The following UGP2 variants were observed in gnomAD, a reference collection of about 807,000 sequenced individuals.
UGP2 encodes the protein UDP-glucose pyrophosphorylase 2.
Under a neutral mutation model 49.0 loss-of-function variants are expected in UGP2, and 40 were observed. The ratio of observed to expected loss-of-function variants is 0.82; its 90% confidence interval spans 0.63 to 1.06. The LOEUF is 1.06. Ranked by LOEUF, UGP2 falls within the 50% of genes least tolerant of loss-of-function variation. The pLI, the probability that UGP2 is intolerant of heterozygous loss-of-function variation, is 0.00. For missense variants in UGP2, 460 were observed against 603.5 expected, an observed-to-expected ratio of 0.76 and a Z score of 2.49; for synonymous variants, 225 against 213.0, an observed-to-expected ratio of 1.06 and a Z score of -0.49.
intron 3 of UGP2, among the ~76,000 whole-genome samples, chr2:63,859,991 T>C (rs1669722686): frequency 6.6e-6 from 1 of 152,238 alleles, no homozygotes; most frequent in Non-Finnish European, 1.5e-5. Context: ...TTTGTTCACC[T>C]TGGTTCTTTT....
upstream of UGP2, chr2:63,841,189 GCCATAAACGCCCCCA>G (rs1341248862): frequency 6.6e-6 from 1 of 152,114 alleles, no homozygotes; most frequent in African/African-American, 2.4e-5. Context: ...TTCCCGGGGC[GCCATAAACGCCCCCA>G]ATTTCCCAGC....
chr2:63,855,338 A>G, intron 1 of UGP2: 1 of 405,826 alleles, frequency 2.5e-6, no homozygotes, highest in Non-Finnish European at 4.8e-6. Flanking sequence ...AACTTTACAA[A>G]TACATTTTTA....
intron 3 of UGP2, among the ~76,000 whole-genome samples, chr2:63,864,399 T>C (rs6755646): frequency 0.83 from 126,244 of 152,204 alleles, 52,486 homozygotes; most frequent in East Asian, 0.92. Flanking sequence ...ATGTGGCATA[T>C]TTTATGTGCT....
intron 2 of UGP2, 72 bp from the exon 3 acceptor site, chr2:63,857,757 T>G: frequency 7.1e-7 from 1 of 1,404,804 alleles, no homozygotes; most frequent in Non-Finnish European, 9.9e-7. Context: ...ATGTGTAACT[T>G]GTATCTGTCT....
intron 1 of UGP2, chr2:63,854,924 TG>T (rs1489046901): frequency 6.6e-6 from 1 of 152,382 alleles, no homozygotes; most frequent in Non-Finnish European, 1.5e-5. Flanking sequence ...AGAGAGCACA[TG>T]CAATATTAAA....
intron 3 of UGP2, chr2:63,862,951 C>T: frequency 2.3e-6 from 1 of 439,396 alleles, no homozygotes; most frequent in East Asian, 7.1e-5. Context: ...AACTCCATTT[C>T]TGTTAGCATA....
intron 1 of UGP2, among the ~76,000 whole-genome samples, chr2:63,851,596 T>C (rs1669046331): frequency 6.6e-6 from 1 of 152,224 alleles, no homozygotes; most frequent in Admixed American, 6.5e-5. Context: ...CTGGAACTCA[T>C]ACTGGGCCAT....
chr2:63,861,373 T>A (rs1402812060), intron 3 of UGP2, among the ~76,000 whole-genome samples: 1 of 152,046 alleles, frequency 6.6e-6, no homozygotes, highest in East Asian at 1.9e-4. Context: ...GTATTGGAGC[T>A]GACGAGTTCT....
chr2:63,861,302 GC>G (rs1669824709), intron 3 of UGP2, among the ~76,000 whole-genome samples: 1 of 152,078 alleles, frequency 6.6e-6, no homozygotes, highest in East Asian at 1.9e-4. Context: ...TACACGTTGG[GC>G]ATGGACAGGG....
At chr2:63,875,119 C>G (rs1302291972) in intron 3 of UGP2, among the ~76,000 whole-genome samples, 2 of 152,154 alleles carry the variant, frequency 1.3e-5, no homozygotes, top group Non-Finnish European at 2.9e-5. Flanking sequence ...GTGAAATAGA[C>G]AATACATGAA....
chr2:63,881,837 G>A (rs955189906), intron 3 of UGP2, among the ~76,000 whole-genome samples: 3 of 152,148 alleles, frequency 2.0e-5, no homozygotes, highest in Non-Finnish European at 2.9e-5. Flanking sequence ...TAATTTTCCA[G>A]TATTGGCTTT....
intron 1 of UGP2, among the ~76,000 whole-genome samples, chr2:63,855,208 A>G (rs925381658): frequency 2.6e-5 from 4 of 152,204 alleles, no homozygotes; most frequent in African/African-American, 9.6e-5. Flanking sequence ...AATATAAGTG[A>G]AAGAATTTAT....
intron 3 of UGP2, among the ~76,000 whole-genome samples, chr2:63,861,620 T>C (rs1281446972): frequency 1.4e-5 from 2 of 147,398 alleles, no homozygotes; most frequent in African/African-American, 2.5e-5. Flanking sequence ...CCCAGGAGTT[T>C]GAGGCTACAG....
intron 9 of UGP2, 147 bp from the exon 10 acceptor site, chr2:63,890,973 G>GTTAT (rs1180336294): frequency 5.5e-6 from 3 of 544,800 alleles, no homozygotes; most frequent in Non-Finnish European, 9.5e-6. Flanking sequence ...TTCCTTAACT[G>GTTAT]TTATTTGTTT....
intron 3 of UGP2, among the ~76,000 whole-genome samples, chr2:63,863,407 A>G (rs1055863958): frequency 4.8e-4 from 73 of 151,974 alleles, no homozygotes; most frequent in African/African-American, 1.7e-3. Context: ...CTAGTTTTCC[A>G]GGTTTAAAGT....
In UGP2 at chr2:63,887,611, GC is replaced by G; in HGVS notation, c.1284del (p.Leu429TrpfsTer4). 1 of 1,614,118 alleles carries G rather than the reference GC, an allele frequency of 6.2e-7. No individual in the cohort carries two copies. The highest frequency in any genetic ancestry group is 8.5e-7 in the Non-Finnish European group (1 of 1,180,002). On this transcript the variant is annotated frameshift_variant, in exon 8 of 10. Transcript: ENST00000337130. LOFTEE classifies it high-confidence loss of function. ...GTGAAAAGCGGGAATTTCCTACAGT[GC>G]CCTTGGTTAAATTAGGCAGTTCTTT... ...MSEKREFPTVPLVKLGSSFTK... is the reference protein window; with the variant it reads ...MSEKREFPTVXLVKLGSSFTK...
intron 3 of UGP2, among the ~76,000 whole-genome samples, chr2:63,876,368 A>C (rs1453266763): frequency 1.3e-5 from 2 of 152,030 alleles, no homozygotes; most frequent in Admixed American, 1.3e-4. Flanking sequence ...GTGTCTTTTG[A>C]GGGGTGGTGG....
chr2:63,842,790 A>G (rs1671656850), intron 1 of UGP2, among the ~76,000 whole-genome samples: 1 of 152,186 alleles, frequency 6.6e-6, no homozygotes, highest in Non-Finnish European at 1.5e-5. Flanking sequence ...TTGAACTATG[A>G]AAAGATGATT....
At chr2:63,887,224 C>G (rs1181075269) in intron 7 of UGP2, among the ~76,000 whole-genome samples, 178 bp from the exon 8 acceptor site, 2 of 151,206 alleles carry the variant, frequency 1.3e-5, no homozygotes, top group Non-Finnish European at 2.9e-5. Context: ...GAGATTGCGC[C>G]ACTGCACTCC....
Sources: allele counts gnomAD v4.1 joint callset (sites outside exome capture counted in the v4.1 genomes callset), GRCh38; gene constraint gnomAD v4.1.1; transcripts MANE v1.5; gene names NCBI Gene and HGNC (gene_info 2026-07-23, HGNC 2026-07-21).